Variants in MED25 observed in about 807,000 individuals in gnomAD.
The protein encoded by MED25 is mediator of RNA polymerase II transcription subunit 25.
MED25 carries 62 observed loss-of-function variants against 89.4 expected under a neutral mutation model. The ratio of observed to expected loss-of-function variants is 0.69; its 90% confidence interval spans 0.57 to 0.86. The LOEUF (loss-of-function observed/expected upper bound fraction) is 0.86. Ranked by LOEUF, MED25 falls within the 40% of genes least tolerant of loss-of-function variation. MED25 has a pLI of 0.00. For missense variants in MED25, 905 were observed against 1,005.2 expected, an observed-to-expected ratio of 0.90 and a Z score of 1.35; for synonymous variants, 449 against 427.9, an observed-to-expected ratio of 1.05 and a Z score of -0.61.
chr19:49,835,099 C>T lies in MED25; in HGVS notation c.1596C>T (p.Gly532=). Residue 532 remains glycine, a synonymous_variant, in exon 14 of 18, where the codon GGC becomes GGT. Transcript: ENST00000312865. This position sits in a 1 kb window ranked among gnomAD's most constrained non-coding sequence, Gnocchi z 6.2. ...FMGLIPYDQS[G]FVNGIRQVIT... ...GCCTCATCCCCTACGACCAGAGCGG[C>T]TTCGTCAACGGCATCCGGCAGGTCA... 1.9e-6 allele frequency: 3 copies of T among 1,614,112 alleles called. No individual in the cohort carries two copies. Among genetic ancestry groups the T allele is most frequent in the South Asian group, 2.2e-5 (2 of 91,074 alleles).
At chr19:49,825,001 A>T (rs994999787) in intron 3 of MED25, among the ~76,000 whole-genome samples, 1 of 151,970 alleles carries the variant, frequency 6.6e-6, no homozygotes, top group Non-Finnish European at 1.5e-5. Flanking sequence ...TTTTATTTTT[A>T]TTTTGTGTCT....
chr19:49,835,196 C>G lies in MED25; in HGVS notation c.1674+19C>G, dbSNP rs752522. 1.2e-4 allele frequency: 198 copies of G among 1,613,370 alleles called. No individual in the cohort carries two copies. The highest frequency in any genetic ancestry group is 1.6e-4 in the Non-Finnish European group (190 of 1,179,802). On this transcript the variant is annotated intron_variant, in intron 14 of 17. Transcript: ENST00000312865. The surrounding 1 kb of genome is among the most constrained non-coding windows in gnomAD (Gnocchi z 6.2). Reference sequence around the variant, plus strand: ...GCGAGGAGTGAGTGTTGACAGTCCCCAAACCAGCACTCCGACCCCCTCCTG... The same window carrying G: ...GCGAGGAGTGAGTGTTGACAGTCCCGAAACCAGCACTCCGACCCCCTCCTG...
In MED25 at chr19:49,832,430, TGGG is replaced by T. The variant is rs772160053; in HGVS notation, c.1482+19_1482+21del. Reference sequence around the variant, plus strand: ...GCAACGGCTTCGTGAGTCCAGGGCATGGGGGGCCGAGGGGTGTTGACTCTTGTC... The same window carrying T: ...GCAACGGCTTCGTGAGTCCAGGGCATGGGCCGAGGGGTGTTGACTCTTGTC... On this transcript the variant is annotated intron_variant, in intron 13 of 17. Coordinates refer to ENST00000312865, the MANE Select transcript of MED25 (RefSeq NM_030973.4). 1.4e-6 allele frequency: 2 copies of T among 1,445,822 alleles called. No individual in the cohort carries two copies. The highest frequency in any genetic ancestry group is 2.3e-5 in the East Asian group (1 of 43,758). The allele number at this position is 1,445,822 out of a possible 1,614,324, so 89.6% of individuals were successfully genotyped here. A position where few individuals can be genotyped will look rare whatever the true frequency, so the allele number is the denominator to read the frequency against.
In MED25 at chr19:49,829,515, G is replaced by A. The variant is rs555194055; in HGVS notation, c.526-271G>A. On this transcript the variant is annotated intron_variant, in intron 5 of 17. Transcript: ENST00000312865. The surrounding 1 kb of genome is among the most constrained non-coding windows in gnomAD (Gnocchi z 4.6). ...ACTGCTCTCAAACTCCTGGCCTCATGTGATCTGCCTGACTCGGTCTCACAA... is the reference window on the plus strand; with the variant it reads ...ACTGCTCTCAAACTCCTGGCCTCATATGATCTGCCTGACTCGGTCTCACAA... Among the ~76,000 whole-genome samples, 11 of 152,282 alleles carry A rather than the reference G, an allele frequency of 7.2e-5. No individual in the cohort carries two copies. The highest frequency in any genetic ancestry group is 1.3e-4 in the Admixed American group (2 of 15,296).
chr19:49,828,418 AC>A (rs779242126), intron 3 of MED25, 30 bp from the exon 4 acceptor site: 44 of 1,488,294 alleles, frequency 3.0e-5, no homozygotes, highest in African/African-American at 2.6e-4. Flanking sequence ...GATGATGGCA[AC>A]CCTGGGGGCT....
chr19:49,830,369 A>G lies in MED25; in HGVS notation c.820-142A>G, dbSNP rs2074046240. The G allele has an allele frequency of 8.7e-7, 1 of 1,150,334 alleles. No individual in the cohort carries two copies. The allele number at this position is 1,150,334 out of a possible 1,614,324, so 71.3% of individuals were successfully genotyped here. A position where few individuals can be genotyped will look rare whatever the true frequency, so the allele number is the denominator to read the frequency against. ...GGGACTCTTGGGGCCATGGAAGCTCATGTGCTGTGTGATGGGTGTTGTGAG... is the reference window on the plus strand; with the variant it reads ...GGGACTCTTGGGGCCATGGAAGCTCGTGTGCTGTGTGATGGGTGTTGTGAG... On this transcript the variant is annotated intron_variant, in intron 7 of 17. Transcript: ENST00000312865. This position sits in a 1 kb window ranked among gnomAD's most constrained non-coding sequence, Gnocchi z 4.6.
In MED25 at chr19:49,821,946, T is replaced by C. The variant is rs145070515; in HGVS notation, c.305+2650T>C. ...GAGTTCGAGACCAGCCTGGCCAACATGGTGAAACCCCGTCTCTACAAAAAA... is the reference window on the plus strand; with the variant it reads ...GAGTTCGAGACCAGCCTGGCCAACACGGTGAAACCCCGTCTCTACAAAAAA... On this transcript the variant is annotated intron_variant, in intron 3 of 17. Transcript: ENST00000312865. 2.5e-3 allele frequency among the ~76,000 whole-genome samples: 368 copies of C among 148,208 alleles called. 15 individuals are homozygous for C. The East Asian group carries it at 0.063, about 25-fold the overall frequency.
rs2074057675 is a variant in MED25 at position 49,831,536 on chromosome 19, C to T, written c.1230+75C>T. 2 of 1,537,576 alleles carry T rather than the reference C, an allele frequency of 1.3e-6. No homozygotes were observed. Among genetic ancestry groups the T allele is most frequent in the Non-Finnish European group, 8.9e-7 (1 of 1,129,938 alleles). ...GGCTGGGCATGTAGGACTCATGGGGCCAGATGCGTGGGGTCTGCAGTGCTG... is the reference window on the plus strand; with the variant it reads ...GGCTGGGCATGTAGGACTCATGGGGTCAGATGCGTGGGGTCTGCAGTGCTG... On this transcript the variant is annotated intron_variant, in intron 10 of 17. Coordinates refer to ENST00000312865, the MANE Select transcript of MED25 (RefSeq NM_030973.4). This position sits in a 1 kb window ranked among gnomAD's most constrained non-coding sequence, Gnocchi z 5.0.
rs1258013157 is a variant in MED25, at chr19:49,818,326, G to C, written c.-16G>C. The C allele has an allele frequency of 6.4e-7, 1 of 1,570,836 alleles. No individual in the cohort carries two copies. The highest frequency in any genetic ancestry group is 2.4e-5 in the East Asian group (1 of 42,364). ...CGGCTGCGGCTGCAGTGGTGGTGGC[G>C]GGTACCGCACGGGGTATGGTCCCCG... is the stretch of plus-strand genomic sequence containing the variant. On this transcript the variant is annotated 5_prime_UTR_variant, in exon 1 of 18. Coordinates refer to ENST00000312865, the MANE Select transcript of MED25 (RefSeq NM_030973.4).
rs923903098 is a variant in MED25 at position 49,829,287 on chromosome 19, T to G, written c.525+197T>G. On this transcript the variant is annotated intron_variant, in intron 5 of 17. Coordinates refer to ENST00000312865, the MANE Select transcript of MED25 (RefSeq NM_030973.4). This position sits in a 1 kb window ranked among gnomAD's most constrained non-coding sequence, Gnocchi z 4.6. ...TCACAGACTGGTGACCAGCTTTGCTTACTCTCTTTTCGAAACAGTCTGGCT... is the reference window on the plus strand; with the variant it reads ...TCACAGACTGGTGACCAGCTTTGCTGACTCTCTTTTCGAAACAGTCTGGCT... Among the ~76,000 whole-genome samples, 3 of 152,106 alleles carry G rather than the reference T, an allele frequency of 2.0e-5. No individual in the cohort carries two copies. Among genetic ancestry groups the G allele is most frequent in the Non-Finnish European group, 4.4e-5 (3 of 68,010 alleles).
rs1302269788 is a variant in MED25, at chr19:49,829,782, A to G, written c.526-4A>G. On this transcript the variant is annotated splice_region_variant and splice_polypyrimidine_tract_variant and intron_variant, in intron 5 of 17. Coordinates refer to ENST00000312865, the MANE Select transcript of MED25 (RefSeq NM_030973.4). The surrounding 1 kb of genome is among the most constrained non-coding windows in gnomAD (Gnocchi z 4.6). ...GTCATGACTGCTCGGCCCCTCTCCT[A>G]CAGCGGGGGATCCACTTCTCCATTG... 18 of 1,585,172 alleles carry G rather than the reference A, an allele frequency of 1.1e-5. No homozygotes were observed. The highest frequency in any genetic ancestry group is 1.5e-5 in the Non-Finnish European group (18 of 1,166,014).
At chr19:49,818,498 T>C in intron 1 of MED25, 23 bp downstream of exon 1, 7 of 1,614,204 alleles carry the variant, frequency 4.3e-6, no homozygotes, top group Non-Finnish European at 5.9e-6. Context: ...TCCGCGACTC[T>C]AACCCCGCCC....
rs748971798 is a variant in MED25, at chr19:49,831,319, C to T, written c.1102-14C>T. 2.5e-6 allele frequency: 4 copies of T among 1,609,068 alleles called. No homozygotes were observed. Among genetic ancestry groups the T allele is most frequent in the Admixed American group, 1.7e-5 (1 of 59,620 alleles). ...TTCCCCATTCTCATGGCCCTCCTTC[C>T]TCCCCTCTGGCAGGCAGGCACTGTG... On this transcript the variant is annotated splice_polypyrimidine_tract_variant and intron_variant, in intron 9 of 17. Coordinates refer to ENST00000312865, the MANE Select transcript of MED25 (RefSeq NM_030973.4). This position sits in a 1 kb window ranked among gnomAD's most constrained non-coding sequence, Gnocchi z 5.0.
At position 49,830,930 on chromosome 19, in the gene MED25, T is replaced by TGCTCCTTCCTCCAGCG; in HGVS notation, c.1101+44_1101+45insCTCCTTCCTCCAGCGG. On this transcript the variant is annotated intron_variant, in intron 9 of 17. Transcript: ENST00000312865. This position sits in a 1 kb window ranked among gnomAD's most constrained non-coding sequence, Gnocchi z 4.6. ...TCCTGCCCCTGCTCCTTCCTCCTGC[T>TGCTCCTTCCTCCAGCG]GTCCACAGCTAGGACAGTTAGAGGA... 6.5e-7 allele frequency: 1 copy of TGCTCCTTCCTCCAGCG among 1,549,594 alleles called. No individual in the cohort carries two copies. The highest frequency in any genetic ancestry group is 8.8e-7 in the Non-Finnish European group (1 of 1,135,308).
Position 49,835,207 on chromosome 19 carries a change from T to C in MED25, c.1674+30T>C. 1 of 1,612,036 alleles carries C rather than the reference T, an allele frequency of 6.2e-7. No homozygotes were observed. The highest frequency in any genetic ancestry group is 8.5e-7 in the Non-Finnish European group (1 of 1,178,612). On this transcript the variant is annotated intron_variant, in intron 14 of 17. Coordinates refer to ENST00000312865, the MANE Select transcript of MED25 (RefSeq NM_030973.4). This position sits in a 1 kb window ranked among gnomAD's most constrained non-coding sequence, Gnocchi z 6.2. ...GTGTTGACAGTCCCCAAACCAGCACTCCGACCCCCTCCTGCCCGGGCCCCA... is the reference window on the plus strand; with the variant it reads ...GTGTTGACAGTCCCCAAACCAGCACCCCGACCCCCTCCTGCCCGGGCCCCA...
At chr19:49,822,700 T>G (rs1178011142) in intron 3 of MED25, among the ~76,000 whole-genome samples, 1 of 142,436 alleles carries the variant, frequency 7.0e-6, no homozygotes, top group Non-Finnish European at 1.5e-5. Context: ...CAGGCTGAAG[T>G]GCAGTGGTGC....
At position 49,836,569 on chromosome 19, in the gene MED25, G is replaced by T. The variant is rs2074099986; in HGVS notation, c.2146+163G>T. The T allele has an allele frequency of 1.1e-6, 1 of 890,048 alleles. No individual in the cohort carries two copies. Among genetic ancestry groups the T allele is most frequent in the Non-Finnish European group, 1.8e-6 (1 of 546,454 alleles). The allele number at this position is 890,048 out of a possible 1,614,324, so 55.1% of individuals were successfully genotyped here. A position where few individuals can be genotyped will look rare whatever the true frequency, so the allele number is the denominator to read the frequency against. On this transcript the variant is annotated intron_variant, in intron 17 of 17. Coordinates refer to ENST00000312865, the MANE Select transcript of MED25 (RefSeq NM_030973.4). The surrounding 1 kb of genome is among the most constrained non-coding windows in gnomAD (Gnocchi z 5.1). ...GCTCTGAGGGCTCCGGGAAAGTACA[G>T]CCCATGGGTCCAAGGACCTAGTGGG...
At position 49,830,759 on chromosome 19, in the gene MED25, G is replaced by C. The variant is rs777951151; in HGVS notation, c.973G>C (p.Ala325Pro). The part of the protein sequence containing the change: ...GVGPPFSQAP[A>P]PQLPPGPPGA... ...GGGTCCCCCCTTCAGCCAGGCCCCA[G>C]CTCCCCAACTACCCCCAGGACCCCC... The change falls in exon 9 of 18, where the codon GCT becomes CCT. Residue 325 changes from alanine to proline, a missense_variant. Coordinates refer to ENST00000312865, the MANE Select transcript of MED25 (RefSeq NM_030973.4). This position sits in a 1 kb window ranked among gnomAD's most constrained non-coding sequence, Gnocchi z 4.6. The C allele has an allele frequency of 2.5e-5, 40 of 1,613,128 alleles. 1 individual carries two copies. The South Asian group carries it at 4.3e-4, about 17-fold the overall frequency.
Position 49,829,478 on chromosome 19 carries a change from C to T in MED25, c.526-308C>T, listed in dbSNP as rs1488144843. Among the ~76,000 whole-genome samples the T allele has an allele frequency of 6.6e-6, 1 of 152,144 alleles. No individual in the cohort carries two copies. Among genetic ancestry groups the T allele is most frequent in the Admixed American group, 6.6e-5 (1 of 15,260 alleles). ...ATCTTTAGTAGAGATGAGGTTTCACCATGTTGGCCAGACTGCTCTCAAACT... is the reference window on the plus strand; with the variant it reads ...ATCTTTAGTAGAGATGAGGTTTCACTATGTTGGCCAGACTGCTCTCAAACT... On this transcript the variant is annotated intron_variant, in intron 5 of 17. Coordinates refer to ENST00000312865, the MANE Select transcript of MED25 (RefSeq NM_030973.4). The surrounding 1 kb of genome is among the most constrained non-coding windows in gnomAD (Gnocchi z 4.6).
Sources: gnomAD v4.1 joint callset for allele counts (sites outside exome capture counted in the v4.1 genomes callset) on GRCh38, gnomAD v4.1.1 for gene constraint, Gnocchi (gnomAD v3.1) non-coding constraint, MANE v1.5 for transcripts, NCBI Gene and HGNC (gene_info 2026-07-23, HGNC 2026-07-21) for gene names.